SLCO3A1: variants seen among roughly 807,000 people sequenced by gnomAD.
SLCO3A1 encodes PGE1 transporter.
In SLCO3A1, 27 loss-of-function variants were observed where a neutral mutation model predicts 63.1. The observed-to-expected ratio is 0.43, with a 90% CI of 0.32 to 0.59. SLCO3A1 has a LOEUF of 0.59. Among genes scored for constraint, SLCO3A1 ranks in the 20% least tolerant of loss-of-function variants. The pLI, the probability that SLCO3A1 is intolerant of heterozygous loss-of-function variation, is 0.09. For synonymous variants in SLCO3A1, 473 were observed against 409.9 expected (o/e 1.15, Z -1.86); for missense variants, 773 against 945.8 (o/e 0.82, Z 2.40).
chr15:92,099,868 A>T (rs1426262857), intron 3 of SLCO3A1, among the ~76,000 whole-genome samples: 1 of 151,916 alleles, frequency 6.6e-6, no homozygotes, highest in Non-Finnish European at 1.5e-5. Context: ...TTGAGATCAG[A>T]CCAGCCAATA....
At chr15:92,027,966 T>C (rs757933698) in intron 2 of SLCO3A1, among the ~76,000 whole-genome samples, 10 of 152,216 alleles carry the variant, frequency 6.6e-5, no homozygotes, top group Admixed American at 2.0e-4. Context: ...GAGCCTGCAC[T>C]GACTCCTCTG....
intron 2 of SLCO3A1, among the ~76,000 whole-genome samples, chr15:91,926,606 C>CGT (rs1567189436): frequency 7.8e-5 from 5 of 63,964 alleles, no homozygotes; most frequent in African/African-American, 2.3e-4. Context: ...TGCGCGCGCG[C>CGT]ACGCCCATGC....
At chr15:92,000,000 A>G (rs537451262) in intron 2 of SLCO3A1, among the ~76,000 whole-genome samples, 1 of 152,252 alleles carries the variant, frequency 6.6e-6, no homozygotes, top group Non-Finnish European at 1.5e-5. Flanking sequence ...AGTATTTGAT[A>G]TGTATAAGAT....
At chr15:92,054,285 G>C (rs2046995883) in intron 2 of SLCO3A1, among the ~76,000 whole-genome samples, 1 of 152,114 alleles carries the variant, frequency 6.6e-6, no homozygotes, top group Non-Finnish European at 1.5e-5. Context: ...GTCTTGTGGA[G>C]CTGTCCTAAA....
intron 2 of SLCO3A1, among the ~76,000 whole-genome samples, chr15:91,970,195 C>T (rs1900809328): frequency 6.6e-6 from 1 of 152,204 alleles, no homozygotes; most frequent in Non-Finnish European, 1.5e-5. Flanking sequence ...GCACATGTAG[C>T]ACATGTAGGA....
Position 91,967,472 on chromosome 15 carries a change from A to G in SLCO3A1, c.646+51014A>G, listed in dbSNP as rs963213169. On this transcript the variant is annotated intron_variant, in intron 2 of 9. Coordinates refer to ENST00000318445, the MANE Select transcript of SLCO3A1 (RefSeq NM_013272.4). The surrounding 1 kb of genome is among the most constrained non-coding windows in gnomAD (Gnocchi z 4.4). ...ATGCTTTTCTTTGGCTAATAGTATC[A>G]TTTGTCTCCCCACCTCTCCTGTAGG... is the stretch of plus-strand genomic sequence containing the variant. Among the ~76,000 whole-genome samples the G allele has an allele frequency of 2.6e-5, 4 of 152,180 alleles. No homozygotes were observed. The highest frequency in any genetic ancestry group is 5.9e-5 in the Non-Finnish European group (4 of 68,046).
chr15:92,159,497 A>T (rs964697422), intron 9 of SLCO3A1, among the ~76,000 whole-genome samples: 3 of 151,388 alleles, frequency 2.0e-5, no homozygotes, highest in Admixed American at 6.6e-5. Context: ...AAAAAAAAAA[A>T]TTTATTTCAT....
intron 1 of SLCO3A1, 95 bp from the exon 2 acceptor site, chr15:91,915,898 G>A (rs536544852): frequency 5.4e-5 from 56 of 1,042,916 alleles, no homozygotes; most frequent in Middle Eastern, 5.7e-4. Context: ...GGAGGGTCCC[G>A]GGGGGGATGG....
chr15:92,043,931 C>G (rs926112604), intron 2 of SLCO3A1, among the ~76,000 whole-genome samples: 2 of 152,158 alleles, frequency 1.3e-5, no homozygotes, highest in African/African-American at 2.4e-5. Context: ...CCCCTGGGAG[C>G]CTGCTTCCTT....
At chr15:92,050,124 A>G (rs770629709) in intron 2 of SLCO3A1, among the ~76,000 whole-genome samples, 1 of 152,216 alleles carries the variant, frequency 6.6e-6, no homozygotes, top group African/African-American at 2.4e-5. Context: ...GACTGTCACA[A>G]ACAAATAAGC....
At chr15:91,902,292 G>A (rs537334031) in intron 1 of SLCO3A1, among the ~76,000 whole-genome samples, 1 of 152,050 alleles carries the variant, frequency 6.6e-6, no homozygotes, top group South Asian at 2.1e-4. Flanking sequence ...AAACTCCTAG[G>A]CTCAAGTGAT....
chr15:92,033,564 C>T lies in SLCO3A1; in HGVS notation c.647-61317C>T, dbSNP rs1342175410. 6.6e-6 allele frequency among the ~76,000 whole-genome samples: 1 copy of T among 152,146 alleles called. No individual in the cohort carries two copies. The highest frequency in any genetic ancestry group is 6.5e-5 in the Admixed American group (1 of 15,268). On this transcript the variant is annotated intron_variant, in intron 2 of 9. Transcript: ENST00000318445. This position sits in a 1 kb window ranked among gnomAD's most constrained non-coding sequence, Gnocchi z 4.5. Reference sequence around the variant, plus strand: ...GGGACTGGCATGTGTTCGTTCAGCCCGAGCTTCCACAGCACACCACATGCT... The same window carrying T: ...GGGACTGGCATGTGTTCGTTCAGCCTGAGCTTCCACAGCACACCACATGCT...
At position 91,979,819 on chromosome 15, in the gene SLCO3A1, G is replaced by A. The variant is rs148624216; in HGVS notation, c.646+63361G>A. On this transcript the variant is annotated intron_variant, in intron 2 of 9. Coordinates refer to ENST00000318445, the MANE Select transcript of SLCO3A1 (RefSeq NM_013272.4). ...CCCAGTATATACTAATTAAATGGTA[G>A]CATCTATTATTGTCATCAGTGTTAT... is the stretch of plus-strand genomic sequence containing the variant. 4.2e-3 allele frequency among the ~76,000 whole-genome samples: 646 copies of A among 152,234 alleles called. 8 individuals are homozygous for A. The highest frequency in any genetic ancestry group is 0.015 in the African/African-American group (618 of 41,532).
chr15:92,075,148 C>A (rs917408101), intron 2 of SLCO3A1, among the ~76,000 whole-genome samples: 2 of 152,158 alleles, frequency 1.3e-5, no homozygotes, highest in Non-Finnish European at 2.9e-5. Context: ...TTGTCACCTG[C>A]TATCTTATGA....
intron 2 of SLCO3A1, among the ~76,000 whole-genome samples, chr15:91,959,736 A>AT (rs1900370800): frequency 3.3e-5 from 5 of 151,522 alleles, no homozygotes; most frequent in African/African-American, 1.2e-4. Flanking sequence ...AAAAAAAAAA[A>AT]AAAAAAAGAA....
intron 1 of SLCO3A1, among the ~76,000 whole-genome samples, chr15:91,870,755 C>A (rs192160035): frequency 6.6e-6 from 1 of 152,218 alleles, no homozygotes; most frequent in Non-Finnish European, 1.5e-5. Flanking sequence ...TTTAGCTTTC[C>A]TCTAGTCAGA....
chr15:92,165,871 A>G lies in SLCO3A1; in HGVS notation c.*2736A>G, dbSNP rs1349995290. ...GATCATTGGATTTACAGAATACAAA[A>G]ATGTACGGGATGGAATAAACCTAGA... On this transcript the variant is annotated 3_prime_UTR_variant, in exon 10 of 10. Coordinates refer to ENST00000318445, the MANE Select transcript of SLCO3A1 (RefSeq NM_013272.4). 1.0e-6 allele frequency: 1 copy of G among 985,266 alleles called. No homozygotes were observed. Among genetic ancestry groups the G allele is most frequent in the Non-Finnish European group, 1.2e-6 (1 of 829,904 alleles). 61.0% of individuals were successfully genotyped at this position (985,266 alleles called of 1,614,324 possible). A position where few individuals can be genotyped will look rare whatever the true frequency, so the allele number is the denominator to read the frequency against.
intron 2 of SLCO3A1, among the ~76,000 whole-genome samples, chr15:91,960,829 C>T (rs1282796248): frequency 1.3e-5 from 2 of 152,036 alleles, no homozygotes; most frequent in Non-Finnish European, 2.9e-5. Flanking sequence ...AGTTGAGCAC[C>T]CCAAATCCAA....
intron 7 of SLCO3A1, among the ~76,000 whole-genome samples, chr15:92,139,642 C>T (rs2048103216): frequency 6.6e-6 from 1 of 152,108 alleles, no homozygotes; most frequent in Non-Finnish European, 1.5e-5. Context: ...TGATTATTGC[C>T]ACAATTTCAG....
Sources: allele counts gnomAD v4.1 joint callset (sites outside exome capture counted in the v4.1 genomes callset), GRCh38; gene constraint gnomAD v4.1.1; non-coding constraint Gnocchi (gnomAD v3.1); transcripts MANE v1.5; gene names NCBI Gene and HGNC (gene_info 2026-07-23, HGNC 2026-07-21).